Variants in CRTC1 observed in about 807,000 individuals in gnomAD.
CRTC1 encodes the protein CREB-regulated transcription coactivator 1.
A neutral mutation model predicts 66.1 loss-of-function variants in CRTC1; 18 were observed. That is an observed-to-expected ratio of 0.27 (90% confidence interval 0.19 to 0.40). The LOEUF is 0.40. Ranked by LOEUF, CRTC1 falls within the 10% of genes least tolerant of loss-of-function variation. The pLI is 1.00. For synonymous variants in CRTC1, 416 were observed against 398.8 expected, an observed-to-expected ratio of 1.04 and a Z score of -0.51; for missense variants, 669 against 887.9, an observed-to-expected ratio of 0.75 and a Z score of 3.13.
intron 6 of CRTC1, among the ~76,000 whole-genome samples, chr19:18,755,510 G>A (rs1172550010): frequency 2.7e-5 from 4 of 150,866 alleles, no homozygotes; most frequent in Non-Finnish European, 4.4e-5. Flanking sequence ...GTTCACTGCA[G>A]CCTCAACCTC....
At position 18,777,170 on chromosome 19, in the gene CRTC1, G is replaced by T; in HGVS notation, c.1694-1G>T. 1 of 1,503,552 alleles carries T rather than the reference G, an allele frequency of 6.7e-7. No homozygotes were observed. The highest frequency in any genetic ancestry group is 9.1e-7 in the Non-Finnish European group (1 of 1,095,512). The allele number at this position is 1,503,552 out of a possible 1,614,324, so 93.1% of individuals were successfully genotyped here. ...CCTTTTGTCCCCACCCCATCCCCCAGTGACAGGAGAGTCCCCCCCCAGCCT... is the reference window on the plus strand; with the variant it reads ...CCTTTTGTCCCCACCCCATCCCCCATTGACAGGAGAGTCCCCCCCCAGCCT... On this transcript the variant is annotated splice_acceptor_variant, in intron 13 of 13. Transcript: ENST00000321949. LOFTEE classifies it high-confidence loss of function. This position sits in a 1 kb window ranked among gnomAD's most constrained non-coding sequence, Gnocchi z 5.5.
intron 7 of CRTC1, 123 bp downstream of exon 7, chr19:18,759,714 G>A: frequency 7.1e-6 from 8 of 1,126,994 alleles, no homozygotes; most frequent in Non-Finnish European, 1.0e-5. Flanking sequence ...TGTGACCAGA[G>A]GCCAGTGACA....
At chr19:18,686,180 G>A (rs1185194728) in intron 1 of CRTC1, among the ~76,000 whole-genome samples, 12 of 151,902 alleles carry the variant, frequency 7.9e-5, no homozygotes, top group Admixed American at 7.2e-4. Flanking sequence ...TTATATAAAT[G>A]GAATCACACA....
intron 1 of CRTC1, among the ~76,000 whole-genome samples, chr19:18,719,034 G>T (rs757653628): frequency 6.6e-6 from 1 of 152,192 alleles, no homozygotes; most frequent in Non-Finnish European, 1.5e-5. Flanking sequence ...GTGGGTGTCT[G>T]GGTGCGAGAT....
In CRTC1 at chr19:18,777,265, C is replaced by T. The variant is rs2055011226; in HGVS notation, c.1788C>T (p.Pro596=). Residue 596 remains proline (P), a synonymous_variant, in exon 14 of 14, where the codon CCC becomes CCT. Coordinates refer to ENST00000321949, the MANE Select transcript of CRTC1 (RefSeq NM_015321.3). The surrounding 1 kb of genome is among the most constrained non-coding windows in gnomAD (Gnocchi z 5.5). The stretch of plus-strand genomic sequence containing the variant: ...GCTTCGACTCCGACAGCCAGTTTCC[C>T]CTGGACGAACTCAAGATCGACCCCC... The part of the protein sequence containing the change: ...DVSFDSDSQF[P]LDELKIDPLT... The T allele has an allele frequency of 6.2e-7, 1 of 1,612,376 alleles. No homozygotes were observed. Among genetic ancestry groups the T allele is most frequent in the South Asian group, 1.1e-5 (1 of 91,084 alleles).
intron 1 of CRTC1, 92 bp downstream of exon 1, chr19:18,683,920 G>C: frequency 7.0e-6 from 1 of 142,698 alleles, no homozygotes; most frequent in South Asian, 2.3e-4. Context: ...GTGGGGGGGG[G>C]CGCGGCGGGG....
intron 1 of CRTC1, among the ~76,000 whole-genome samples, chr19:18,740,970 A>G (rs1185746475): frequency 6.6e-6 from 1 of 152,084 alleles, no homozygotes; most frequent in Non-Finnish European, 1.5e-5. Flanking sequence ...GCGCCACTGC[A>G]CTCCAGCCTG....
At chr19:18,728,851 C>T (rs191077595) in intron 1 of CRTC1, among the ~76,000 whole-genome samples, 5,989 of 95,978 alleles carry the variant, frequency 0.062, 209 homozygotes, top group Non-Finnish European at 0.084. Flanking sequence ...CTTGCTCTGT[C>T]GCCCAGGCTG....
intron 1 of CRTC1, among the ~76,000 whole-genome samples, chr19:18,731,807 C>T (rs2053895279): frequency 6.6e-6 from 1 of 152,198 alleles, no homozygotes; most frequent in Non-Finnish European, 1.5e-5. Context: ...TGCCTGGCTG[C>T]CCCGGGGGGT....
rs934639935 is a variant in CRTC1 at position 18,717,710 on chromosome 19, C to A, written c.127-25200C>A. Among the ~76,000 whole-genome samples, 19 of 151,882 alleles carry A rather than the reference C, an allele frequency of 1.3e-4. No homozygotes were observed. In the East Asian group the frequency reaches 3.7e-3, roughly 29 times the overall value. ...GCTCAGAGAGGAGGGTGCAGGGTTCCGGGGTGGGCCAAATGCCGGGTGGGA... is the reference window on the plus strand; with the variant it reads ...GCTCAGAGAGGAGGGTGCAGGGTTCAGGGGTGGGCCAAATGCCGGGTGGGA... On this transcript the variant is annotated intron_variant, in intron 1 of 13. Coordinates refer to ENST00000321949, the MANE Select transcript of CRTC1 (RefSeq NM_015321.3).
At chr19:18,727,546 A>G (rs1490860617) in intron 1 of CRTC1, among the ~76,000 whole-genome samples, 16 of 122,906 alleles carry the variant, frequency 1.3e-4, no homozygotes, top group African/African-American at 4.7e-4. Context: ...ACGCCACTGC[A>G]CTCCAGCCTG....
At chr19:18,720,944 A>T (rs2053613429) in intron 1 of CRTC1, among the ~76,000 whole-genome samples, 2 of 152,108 alleles carry the variant, frequency 1.3e-5, no homozygotes, top group Non-Finnish European at 2.9e-5. Context: ...GTAACAAATG[A>T]CCACAAACTG....
chr19:18,704,628 C>A (rs776744935), intron 1 of CRTC1, among the ~76,000 whole-genome samples: 31 of 152,114 alleles, frequency 2.0e-4, no homozygotes, highest in Non-Finnish European at 4.0e-4. Context: ...AGGAGAATCG[C>A]TTGAACCCTG....
At chr19:18,692,615 AAAG>A (rs1287564151) in intron 1 of CRTC1, among the ~76,000 whole-genome samples, 20 of 151,532 alleles carry the variant, frequency 1.3e-4, no homozygotes, top group Non-Finnish European at 2.2e-4. Context: ...AAAAAAAAAA[AAAG>A]AAGTGGTTAG....
chr19:18,734,148 G>A (rs1351948028), intron 1 of CRTC1, among the ~76,000 whole-genome samples: 1 of 151,972 alleles, frequency 6.6e-6, no homozygotes, highest in Non-Finnish European at 1.5e-5. Context: ...GACAGGAAAC[G>A]GATTAGTGGC....
Position 18,777,675 on chromosome 19 carries a change from G to A in CRTC1, c.*293G>A, listed in dbSNP as rs1004239710. 1 of 422,126 alleles carries A rather than the reference G, an allele frequency of 2.4e-6. No individual in the cohort carries two copies. Among genetic ancestry groups the A allele is most frequent in the Non-Finnish European group, 4.3e-6 (1 of 234,530 alleles). The allele number at this position is 422,126 out of a possible 1,614,324, so 26.1% of individuals were successfully genotyped here. On this transcript the variant is annotated 3_prime_UTR_variant, in exon 14 of 14. Coordinates refer to ENST00000321949, the MANE Select transcript of CRTC1 (RefSeq NM_015321.3). This position sits in a 1 kb window ranked among gnomAD's most constrained non-coding sequence, Gnocchi z 5.5. ...CACTGGCTCCCTCGCCCCCAGCCCC[G>A]GGGCCTGAGCCGTCCCCTGTAAGAT...
chr19:18,723,785 G>A (rs531938140), intron 1 of CRTC1, among the ~76,000 whole-genome samples: 1 of 152,324 alleles, frequency 6.6e-6, no homozygotes, highest in South Asian at 2.1e-4. Flanking sequence ...TGCCCTGCAG[G>A]GACACTGGTC....
chr19:18,747,163 A>C, intron 4 of CRTC1, 49 bp downstream of exon 4: 1 of 1,225,522 alleles, frequency 8.2e-7, no homozygotes, highest in Non-Finnish European at 1.1e-6. Context: ...TGGAAACAAA[A>C]CCAAACTCTC....
At chr19:18,718,234 C>T (rs1055770552) in intron 1 of CRTC1, among the ~76,000 whole-genome samples, 13 of 152,110 alleles carry the variant, frequency 8.5e-5, no homozygotes, top group African/African-American at 2.9e-4. Context: ...CATTTCAGAT[C>T]GATGGAATCT....
Sources: allele counts gnomAD v4.1 joint callset (sites outside exome capture counted in the v4.1 genomes callset), GRCh38; gene constraint gnomAD v4.1.1; non-coding constraint Gnocchi (gnomAD v3.1); transcripts MANE v1.5; gene names NCBI Gene and HGNC (gene_info 2026-07-23, HGNC 2026-07-21).